FUT9: variants seen among roughly 807,000 people sequenced by gnomAD.
The protein encoded by FUT9 is 4-galactosyl-N-acetylglucosaminide 3-alpha-L-fucosyltransferase 9.
Under a neutral mutation model 29.7 loss-of-function variants are expected in FUT9, and 15 were observed. The ratio of observed to expected loss-of-function variants is 0.51; its 90% CI spans 0.34 to 0.78. FUT9 has a LOEUF of 0.78. FUT9 is among the 30% of genes least tolerant of loss of function. The pLI is 0.01. For synonymous variants in FUT9, 169 were observed against 153.7 expected, an observed-to-expected ratio of 1.10 and a Z score of -0.74; for missense variants, 319 against 425.4, an observed-to-expected ratio of 0.75 and a Z score of 2.20.
chr6:96,154,898 T>A (rs1772746893), intron 2 of FUT9, among the ~76,000 whole-genome samples: 1 of 152,168 alleles, frequency 6.6e-6, no homozygotes, highest in Non-Finnish European at 1.5e-5. Context: ...GGCAGTGGAT[T>A]AGGTTTCATG....
intron 2 of FUT9, among the ~76,000 whole-genome samples, chr6:96,129,791 C>G (rs1772207884): frequency 6.6e-6 from 1 of 151,718 alleles, no homozygotes. Flanking sequence ...TCTTCTATTA[C>G]TTTCATAGTT....
intron 1 of FUT9, among the ~76,000 whole-genome samples, chr6:96,110,263 T>C (rs1339101844): frequency 6.6e-6 from 1 of 152,194 alleles, no homozygotes; most frequent in Non-Finnish European, 1.5e-5. Context: ...TTCTGACATC[T>C]GGTTAAAGCT....
chr6:96,100,765 A>G (rs1771574361), intron 1 of FUT9, among the ~76,000 whole-genome samples: 1 of 152,180 alleles, frequency 6.6e-6, no homozygotes, highest in Non-Finnish European at 1.5e-5. Context: ...GACCTTTGGA[A>G]TGGGTTGAGT....
intron 2 of FUT9, among the ~76,000 whole-genome samples, chr6:96,117,308 A>G (rs367776306): frequency 2.6e-5 from 4 of 152,214 alleles, no homozygotes; most frequent in Admixed American, 2.0e-4. Flanking sequence ...AGTTATAATC[A>G]GCAAGGAGAG....
At chr6:96,171,242 GTTCCAACCCGCA>G (rs1251525788) in intron 2 of FUT9, among the ~76,000 whole-genome samples, 2 of 152,190 alleles carry the variant, frequency 1.3e-5, no homozygotes, top group Non-Finnish European at 2.9e-5. Context: ...TTATCTGTCA[GTTCCAACCCGCA>G]TTTGGATGAG....
At chr6:96,098,110 G>GAA (rs35825355) in intron 1 of FUT9, among the ~76,000 whole-genome samples, 29 of 150,666 alleles carry the variant, frequency 1.9e-4, no homozygotes, top group Admixed American at 3.3e-4. Context: ...AGAAAACAAA[G>GAA]AAAAAAAAAT....
chr6:96,025,540 C>A (rs1307922038), intron 1 of FUT9, among the ~76,000 whole-genome samples: 1 of 151,404 alleles, frequency 6.6e-6, no homozygotes, highest in Non-Finnish European at 1.5e-5. Flanking sequence ...GGATATGGAC[C>A]CTTAGTTATG....
chr6:96,075,876 G>A (rs770377209), intron 1 of FUT9, among the ~76,000 whole-genome samples: 11 of 152,018 alleles, frequency 7.2e-5, no homozygotes, highest in South Asian at 2.1e-4. Flanking sequence ...TTTTCCCCTC[G>A]TACATGTTTT....
chr6:96,037,207 T>A (rs1246146165), intron 1 of FUT9: 2 of 151,996 alleles, frequency 1.3e-5, no homozygotes, highest in Admixed American at 1.3e-4. Flanking sequence ...AAGACCTAAT[T>A]AAAATAAGTG....
At chr6:96,138,235 C>T (rs1772395917) in intron 2 of FUT9, among the ~76,000 whole-genome samples, 1 of 152,138 alleles carries the variant, frequency 6.6e-6, no homozygotes, top group Non-Finnish European at 1.5e-5. Context: ...GAGAAAATGA[C>T]TTTGTAAACA....
chr6:96,022,480 C>T (rs1770086768), intron 1 of FUT9, among the ~76,000 whole-genome samples: 1 of 151,958 alleles, frequency 6.6e-6, no homozygotes, highest in Non-Finnish European at 1.5e-5. Flanking sequence ...AAACTGAGAC[C>T]ATCTCCTGAT....
rs186965745 is a variant in FUT9 at position 96,170,252 on chromosome 6, T to C, written c.-8-32896T>C. ...ATATCATGAGGTTGCTAAGTATATG[T>C]AGTTTATAATGTGCACAGTAGGTCA... On this transcript the variant is annotated intron_variant, in intron 2 of 2. Coordinates refer to ENST00000302103, the MANE Select transcript of FUT9 (RefSeq NM_006581.4). 2.6e-5 allele frequency among the ~76,000 whole-genome samples: 4 copies of C among 152,220 alleles called. No individual in the cohort carries two copies. The East Asian group carries it at 7.7e-4, about 29-fold the overall frequency.
chr6:96,037,040 T>G (rs1253889727), intron 1 of FUT9: 1 of 152,040 alleles, frequency 6.6e-6, no homozygotes, highest in Non-Finnish European at 1.5e-5. Flanking sequence ...TCATGGCTCT[T>G]AACCAAGAGC....
intron 2 of FUT9, among the ~76,000 whole-genome samples, chr6:96,162,739 G>T (rs1772936135): frequency 6.6e-6 from 1 of 152,170 alleles, no homozygotes; most frequent in African/African-American, 2.4e-5. Flanking sequence ...TTGTTTTTGT[G>T]CTTCCTTAAC....
chr6:96,168,019 T>C (rs189395203), intron 2 of FUT9, among the ~76,000 whole-genome samples: 24 of 152,090 alleles, frequency 1.6e-4, no homozygotes, highest in African/African-American at 5.5e-4. Flanking sequence ...AGAGAAGGAG[T>C]GGAGTCCACC....
At chr6:96,177,612 G>T (rs896405123) in intron 2 of FUT9, among the ~76,000 whole-genome samples, 4 of 152,104 alleles carry the variant, frequency 2.6e-5, no homozygotes, top group African/African-American at 9.7e-5. Context: ...TTGTGTTCCA[G>T]CCCCAAAGCC....
chr6:96,192,897 T>C (rs139087267), intron 2 of FUT9, among the ~76,000 whole-genome samples: 138,151 of 151,418 alleles, frequency 0.91, 64,370 homozygotes, highest in Non-Finnish European at 1. Context: ...GAAATAATGC[T>C]GCATATCTAC....
chr6:96,065,829 G>A (rs1770952741), intron 1 of FUT9, among the ~76,000 whole-genome samples: 1 of 152,064 alleles, frequency 6.6e-6, no homozygotes, highest in African/African-American at 2.4e-5. Flanking sequence ...ATACTTAACA[G>A]TTATGATCTG....
chr6:96,059,069 T>C (rs935567676), intron 1 of FUT9, among the ~76,000 whole-genome samples: 2 of 152,192 alleles, frequency 1.3e-5, no homozygotes, highest in African/African-American at 4.8e-5. Flanking sequence ...CTATATGTGG[T>C]GTTTTTAAAT....
Sources: allele counts gnomAD v4.1 joint callset (sites outside exome capture counted in the v4.1 genomes callset), GRCh38; gene constraint gnomAD v4.1.1; transcripts MANE v1.5; gene names NCBI Gene and HGNC (gene_info 2026-07-23, HGNC 2026-07-21).